PLCB4: variants seen among roughly 807,000 people sequenced by gnomAD.
The protein encoded by PLCB4 is 1-phosphatidylinositol 4,5-bisphosphate phosphodiesterase beta-4.
Under a neutral mutation model 178.8 loss-of-function variants are expected in PLCB4, and 77 were observed. That is an observed-to-expected ratio of 0.43 (90% CI 0.36 to 0.52). The LOEUF is 0.52. PLCB4 is among the 20% of genes least tolerant of loss of function. PLCB4 has a pLI of 0.00. For missense variants in PLCB4, 1,024 were observed against 1,453.4 expected (o/e 0.70, Z 4.80); for synonymous variants, 496 against 490.8 (o/e 1.01, Z -0.14).
chr20:9,213,352 C>CAAA (rs1490088212), intron 2 of PLCB4, among the ~76,000 whole-genome samples: 8 of 141,050 alleles, frequency 5.7e-5, no homozygotes, highest in African/African-American at 2.2e-4. Flanking sequence ...ACTATGTTGG[C>CAAA]TAGGCTGGTC....
intron 3 of PLCB4, among the ~76,000 whole-genome samples, chr20:9,264,269 T>A (rs6118547): frequency 1.3e-5 from 2 of 152,142 alleles, no homozygotes; most frequent in African/African-American, 4.8e-5. Context: ...TCTTTTATAC[T>A]CCCTAAAAGG....
chr20:9,095,139 A>G (rs962588057), intron 1 of PLCB4, among the ~76,000 whole-genome samples: 1 of 152,206 alleles, frequency 6.6e-6, no homozygotes, highest in African/African-American at 2.4e-5. Flanking sequence ...CTATTTGCAG[A>G]CATGGACATG....
At chr20:9,123,038 A>T (rs550624861) in intron 2 of PLCB4, among the ~76,000 whole-genome samples, 1 of 152,264 alleles carries the variant, frequency 6.6e-6, no homozygotes, top group African/African-American at 2.4e-5. Context: ...TGTTTTTACA[A>T]TATAGTTTGG....
chr20:9,254,334 T>C (rs1422162992), intron 3 of PLCB4, among the ~76,000 whole-genome samples: 3 of 152,232 alleles, frequency 2.0e-5, no homozygotes, highest in Non-Finnish European at 4.4e-5. Flanking sequence ...ATAAATCCTA[T>C]GATAAAAATG....
intron 17 of PLCB4, among the ~76,000 whole-genome samples, chr20:9,391,854 C>T (rs1304971708): frequency 1.3e-5 from 2 of 152,210 alleles, no homozygotes; most frequent in Non-Finnish European, 2.9e-5. Flanking sequence ...CTGCTCTTCT[C>T]TGCCTTCCAG....
At chr20:9,146,903 A>T (rs183707753) in intron 2 of PLCB4, among the ~76,000 whole-genome samples, 1 of 152,156 alleles carries the variant, frequency 6.6e-6, no homozygotes, top group Non-Finnish European at 1.5e-5. Flanking sequence ...AAATTAGACC[A>T]TATGTGGATT....
At chr20:9,144,382 G>A (rs1260219391) in intron 2 of PLCB4, among the ~76,000 whole-genome samples, 1 of 151,874 alleles carries the variant, frequency 6.6e-6, no homozygotes, top group African/African-American at 2.4e-5. Context: ...ATGACACAAA[G>A]GAACCTGAAA....
At chr20:9,344,193 C>G (rs1484820129) in intron 7 of PLCB4, among the ~76,000 whole-genome samples, 1 of 152,160 alleles carries the variant, frequency 6.6e-6, no homozygotes, top group East Asian at 1.9e-4. Context: ...CTTCCAGCCT[C>G]TGGGACTTGG....
intron 2 of PLCB4, among the ~76,000 whole-genome samples, chr20:9,203,056 A>AAAAAAATAT (rs769628056): frequency 7.9e-5 from 10 of 126,146 alleles, no homozygotes; most frequent in African/African-American, 3.3e-4. Flanking sequence ...AAAAAAAAAA[A>AAAAAAATAT]ATATATATAT....
intron 38 of PLCB4, 77 bp from the exon 39 acceptor site, chr20:9,476,640 T>A: frequency 2.9e-6 from 3 of 1,029,150 alleles, no homozygotes; most frequent in South Asian, 2.6e-5. Context: ...ATTTTTCAAA[T>A]TCACTTCAAT....
intron 2 of PLCB4, among the ~76,000 whole-genome samples, chr20:9,127,755 G>A (rs2092160628): frequency 6.6e-6 from 1 of 151,838 alleles, no homozygotes; most frequent in East Asian, 1.9e-4. Context: ...CACAATCTTG[G>A]CTCACTGCAA....
intron 2 of PLCB4, among the ~76,000 whole-genome samples, chr20:9,098,741 ATGTGTG>A (rs35465129): frequency 3.7e-5 from 5 of 135,462 alleles, no homozygotes; most frequent in African/African-American, 1.2e-4. Flanking sequence ...ATATACATAT[ATGTGTG>A]TGTGTGTGTG....
At chr20:9,416,884 G>GT (rs1044866752) in intron 25 of PLCB4, among the ~76,000 whole-genome samples, 1 of 152,048 alleles carries the variant, frequency 6.6e-6, no homozygotes, top group African/African-American at 2.4e-5. Flanking sequence ...TTAACACTTT[G>GT]TTTTTTGTTC....
chr20:9,393,739 G>A, intron 18 of PLCB4, 61 bp downstream of exon 18: 2 of 1,102,874 alleles, frequency 1.8e-6, no homozygotes, highest in Non-Finnish European at 2.8e-6. Context: ...CATTTCAGCT[G>A]TTGAGAATTC....
intron 2 of PLCB4, among the ~76,000 whole-genome samples, chr20:9,165,360 G>A (rs2092952414): frequency 6.6e-6 from 1 of 152,160 alleles, no homozygotes; most frequent in East Asian, 1.9e-4. Context: ...TTTAGAGATA[G>A]TAGTACAAGT....
In PLCB4 at chr20:9,338,010, A is replaced by G. The variant is rs773711579; in HGVS notation, c.168A>G (p.Glu56=). The G allele has an allele frequency of 6.2e-7, 1 of 1,610,342 alleles. No homozygotes were observed. The highest frequency in any genetic ancestry group is 1.1e-5 in the South Asian group (1 of 91,008). The change falls in exon 6 of 40, where the codon GAA becomes GAG. Residue 56 remains glutamate (E), a splice_region_variant and synonymous_variant. Transcript: ENST00000378473. ...TGTGTTGTATTCTCTCTCTTCAGGA[A>G]GGACAGGTGCTAGAATGCTCCCTCA... The part of the protein sequence containing the change: ...FFLTWRSEGK[E]GQVLECSLIN...
At chr20:9,473,571 C>CA (rs1370689125) in intron 38 of PLCB4, among the ~76,000 whole-genome samples, 8 of 150,630 alleles carry the variant, frequency 5.3e-5, no homozygotes, top group Non-Finnish European at 8.9e-5. Flanking sequence ...CTGGCTGTGC[C>CA]AAAAAAAGAA....
chr20:9,316,214 G>A (rs1016822128), intron 4 of PLCB4, among the ~76,000 whole-genome samples: 15 of 152,020 alleles, frequency 9.9e-5, no homozygotes, highest in Non-Finnish European at 1.3e-4. Context: ...TTAGAGATGC[G>A]CATTCTCAGG....
chr20:9,371,228 T>A lies in PLCB4; in HGVS notation c.518T>A (p.Phe173Tyr), dbSNP rs1178786544. ...TTCTGCCCTAGTATTACTAGAACAT[T>A]TGCATCGGGAAAAACAGAAAAGGTG... ...KIPVRSITRT[F>Y]ASGKTEKVIF... Residue 173 changes from phenylalanine (F) to tyrosine (Y), a missense_variant, in exon 10 of 40, where the codon TTT (phenylalanine) becomes TAT (tyrosine). This residue lies in a region of PLCB4 where 225 missense variants were observed against 291.0 expected (regional missense o/e 0.77). Transcript: ENST00000378473. 1 of 1,605,786 alleles carries A rather than the reference T, an allele frequency of 6.2e-7. No homozygotes were observed. Among genetic ancestry groups the A allele is most frequent in the African/African-American group, 1.3e-5 (1 of 74,712 alleles).
Sources: gnomAD v4.1 joint callset for allele counts (sites outside exome capture counted in the v4.1 genomes callset) on GRCh38, gnomAD v4.1.1 for gene constraint, gnomAD v4.1.1 regional missense constraint, MANE v1.5 for transcripts, NCBI Gene and HGNC (gene_info 2026-07-23, HGNC 2026-07-21) for gene names.